Variants in TBCD observed in about 807,000 individuals in gnomAD.
TBCD encodes the protein tubulin folding cofactor D, also known as tubulin-specific chaperone D.
Under a neutral mutation model 169.3 loss-of-function variants are expected in TBCD, and 105 were observed. The ratio of observed to expected loss-of-function variants is 0.62; its 90% CI spans 0.53 to 0.73. TBCD has a LOEUF of 0.73. TBCD is among the 30% of genes least tolerant of loss of function. TBCD has a pLI of 0.00. For missense variants in TBCD, 1,444 were observed against 1,600.1 expected (o/e 0.90, Z 1.66); for synonymous variants, 700 against 643.9 (o/e 1.09, Z -1.32).
At position 82,831,392 on chromosome 17, in the gene TBCD, G is replaced by C. The variant is rs763602277; in HGVS notation, c.1318+16458G>C. 3 of 1,614,220 alleles carry C rather than the reference G, an allele frequency of 1.9e-6. No homozygotes were observed. The highest frequency in any genetic ancestry group is 2.5e-6 in the Non-Finnish European group (3 of 1,180,042). On this transcript the variant is annotated intron_variant, in intron 13 of 38. Coordinates refer to ENST00000355528, the MANE Select transcript of TBCD (RefSeq NM_005993.5). This position sits in a 1 kb window ranked among gnomAD's most constrained non-coding sequence, Gnocchi z 4.6. ...GAAGGACTCGAGGCTGGATAGACCA[G>C]GGTGGCTTCTTCAAGCAGGTGAGAG...
intron 6 of TBCD, among the ~76,000 whole-genome samples, chr17:82,775,281 C>T (rs1021721763): frequency 6.6e-6 from 1 of 152,186 alleles, no homozygotes; most frequent in Non-Finnish European, 1.5e-5. Flanking sequence ...CCCTTGGTCT[C>T]GCACACTCTC....
chr17:82,887,156 TGTGTGTGTGTGTGCGCGCGC>T (rs2058777648), intron 15 of TBCD, among the ~76,000 whole-genome samples: 1 of 108,706 alleles, frequency 9.2e-6, no homozygotes, highest in African/African-American at 4.5e-5. Flanking sequence ...TGTGTGTGTG[TGTGTGTGTGTGTGCGCGCGC>T]GCGCACGTGC....
At chr17:82,778,316 T>C (rs2048729381) in intron 6 of TBCD, among the ~76,000 whole-genome samples, 1 of 152,096 alleles carries the variant, frequency 6.6e-6, no homozygotes, top group Non-Finnish European at 1.5e-5. Flanking sequence ...TAATGCTCTG[T>C]GGGAACTCTG....
chr17:82,926,293 T>G (rs1175324564), intron 27 of TBCD, 107 bp from the exon 28 acceptor site: 2 of 1,021,158 alleles, frequency 2.0e-6, no homozygotes, highest in African/African-American at 3.2e-5. Flanking sequence ...AGGAGCTGCC[T>G]ATCTCATGGT....
intron 1 of TBCD, among the ~76,000 whole-genome samples, chr17:82,754,540 G>T (rs1350566079): frequency 6.6e-6 from 1 of 152,218 alleles, no homozygotes. Flanking sequence ...CGGAATTCAG[G>T]CTCCTCTCCT....
intron 7 of TBCD, among the ~76,000 whole-genome samples, chr17:82,794,800 T>C (rs1310826666): frequency 1.3e-5 from 2 of 152,230 alleles, no homozygotes; most frequent in East Asian, 3.8e-4. Context: ...GTGGATAACT[T>C]TTGGGGCTTT....
intron 18 of TBCD, among the ~76,000 whole-genome samples, chr17:82,902,621 G>A (rs909940305): frequency 6.6e-6 from 1 of 152,384 alleles, no homozygotes; most frequent in African/African-American, 2.4e-5. Flanking sequence ...GTGGCAGGTG[G>A]TCCTGCCAGC....
At chr17:82,815,064 T>C in intron 13 of TBCD, 130 bp downstream of exon 13, 1 of 1,427,264 alleles carries the variant, frequency 7.0e-7, no homozygotes. Flanking sequence ...CACCAGGCTG[T>C]CCGTGGCAGG....
intron 13 of TBCD, among the ~76,000 whole-genome samples, chr17:82,869,628 G>T (rs1396069891): frequency 6.6e-6 from 1 of 152,244 alleles, no homozygotes; most frequent in African/African-American, 2.4e-5. Flanking sequence ...GGATTTCTCT[G>T]CGTGGCTGTT....
chr17:82,927,831 C>A, intron 29 of TBCD, 74 bp from the exon 30 acceptor site: 1 of 1,348,794 alleles, frequency 7.4e-7, no homozygotes, highest in Non-Finnish European at 1.1e-6. Flanking sequence ...CACAGGCTGC[C>A]GGCGTGGTGG....
chr17:82,899,432 A>G (rs1002017868), intron 17 of TBCD, among the ~76,000 whole-genome samples: 1 of 137,548 alleles, frequency 7.3e-6, no homozygotes, highest in East Asian at 2.4e-4. Flanking sequence ...TTTGCTCAGC[A>G]TCGTGCGCCT....
In TBCD at chr17:82,920,528, C is replaced by T. The variant is rs747309441; in HGVS notation, c.2039-28C>T. 1.1e-5 allele frequency: 17 copies of T among 1,509,778 alleles called. No individual in the cohort carries two copies. The highest frequency in any genetic ancestry group is 4.6e-5 in the African/African-American group (3 of 65,796). The allele number at this position is 1,509,778 out of a possible 1,614,324, so 93.5% of individuals were successfully genotyped here. ...AGGCGCTTTTAGAAAAGTAACATTG[C>T]GTCTATCCTTTTTTTTTTTTTTTCC... is the stretch of plus-strand genomic sequence containing the variant. On this transcript the variant is annotated intron_variant, in intron 23 of 38. Coordinates refer to ENST00000355528, the MANE Select transcript of TBCD (RefSeq NM_005993.5). The surrounding 1 kb of genome is among the most constrained non-coding windows in gnomAD (Gnocchi z 4.1).
chr17:82,927,862 C>T (rs772067653), intron 29 of TBCD, 43 bp from the exon 30 acceptor site: 1 of 1,573,180 alleles, frequency 6.4e-7, no homozygotes, highest in Non-Finnish European at 8.7e-7. Flanking sequence ...GGTTGGAACC[C>T]CCCTCTCAAG....
At chr17:82,760,177 G>A (rs938271109) in intron 2 of TBCD, among the ~76,000 whole-genome samples, 1 of 152,038 alleles carries the variant, frequency 6.6e-6, no homozygotes, top group African/African-American at 2.4e-5. Flanking sequence ...CCTGGCCTGG[G>A]TCATTTTGTT....
intron 37 of TBCD, among the ~76,000 whole-genome samples, chr17:82,940,553 A>T (rs2063101973): frequency 6.6e-6 from 1 of 152,168 alleles, no homozygotes; most frequent in Non-Finnish European, 1.5e-5. Context: ...CGCACCAGGC[A>T]GCCGCTGTGG....
chr17:82,865,586 A>G, intron 13 of TBCD: 1 of 978,770 alleles, frequency 1.0e-6, no homozygotes, highest in Non-Finnish European at 1.2e-6. Flanking sequence ...CAGTGCCGAA[A>G]TGGGAAGGCC....
chr17:82,926,898 C>T (rs1355794472), intron 28 of TBCD: 4 of 526,642 alleles, frequency 7.6e-6, no homozygotes, highest in Non-Finnish European at 1.4e-5. Context: ...CCCCTTCTCT[C>T]CTATGCCAGC....
At chr17:82,885,512 T>C (rs2058656877) in intron 15 of TBCD, among the ~76,000 whole-genome samples, 2 of 152,204 alleles carry the variant, frequency 1.3e-5, no homozygotes, top group South Asian at 4.1e-4. Flanking sequence ...GCTGCTCTTA[T>C]TTTGTCTTCA....
Position 82,940,759 on chromosome 17 carries a change from TAA to T in TBCD, c.3480-632_3480-631del, listed in dbSNP as rs3837807. ...AGACCCGTTTTTACAATGATTTTTT[TAA>T]AAAAAAACACCAAGGTGCATTCTGG... On this transcript the variant is annotated intron_variant, in intron 37 of 38. Coordinates refer to ENST00000355528, the MANE Select transcript of TBCD (RefSeq NM_005993.5). 2.0e-5 allele frequency among the ~76,000 whole-genome samples: 3 copies of T among 151,428 alleles called. 1 individual carries two copies. The South Asian group carries it at 6.2e-4, about 32-fold the overall frequency.
Sources: allele counts gnomAD v4.1 joint callset (sites outside exome capture counted in the v4.1 genomes callset), GRCh38; gene constraint gnomAD v4.1.1; non-coding constraint Gnocchi (gnomAD v3.1); transcripts MANE v1.5; gene names NCBI Gene and HGNC (gene_info 2026-07-23, HGNC 2026-07-21).